MICU1: variants seen among roughly 807,000 people sequenced by gnomAD.
The protein encoded by MICU1 is mitochondrial calcium uptake 1, also known as calcium uptake protein 1, mitochondrial.
In MICU1, 45 loss-of-function variants were observed where a neutral mutation model predicts 56.8. The ratio of observed to expected loss-of-function variants is 0.79; its 90% CI spans 0.62 to 1.02. MICU1 has a LOEUF of 1.02. Ranked by LOEUF, MICU1 falls within the 50% of genes least tolerant of loss-of-function variation. The pLI is 0.00. For missense variants in MICU1, 504 were observed against 587.1 expected, an observed-to-expected ratio of 0.86 and a Z score of 1.46; for synonymous variants, 186 against 195.1, an observed-to-expected ratio of 0.95 and a Z score of 0.39.
intron 8 of MICU1, among the ~76,000 whole-genome samples, chr10:72,426,725 A>G (rs1389467787): frequency 6.6e-6 from 1 of 152,156 alleles, no homozygotes; most frequent in East Asian, 1.9e-4. Flanking sequence ...ATGCTCAACC[A>G]GTAAGTATAA....
At chr10:72,502,946 G>A (rs1867127986) in intron 6 of MICU1, 1 of 169,064 alleles carries the variant, frequency 5.9e-6, no homozygotes, top group Non-Finnish European at 1.3e-5. Context: ...CTTAGACAAA[G>A]AAGCAGCACT....
chr10:72,569,241 T>A (rs866493165), intron 1 of MICU1, among the ~76,000 whole-genome samples: 3 of 98,902 alleles, frequency 3.0e-5, no homozygotes, highest in East Asian at 2.6e-4. Flanking sequence ...ATATATATTT[T>A]TTTTTTTTTT....
At chr10:72,490,543 G>A (rs538131670) in intron 6 of MICU1, among the ~76,000 whole-genome samples, 1 of 152,220 alleles carries the variant, frequency 6.6e-6, no homozygotes, top group South Asian at 2.1e-4. Context: ...TGTCACCCAC[G>A]AAGTTCCCTT....
chr10:72,411,042 G>A (rs1863792091), intron 9 of MICU1, among the ~76,000 whole-genome samples: 1 of 152,178 alleles, frequency 6.6e-6, no homozygotes, highest in African/African-American at 2.4e-5. Context: ...TTAAAAGGAA[G>A]AAGATTCTGA....
At chr10:72,556,896 A>G (rs1032728201) in intron 3 of MICU1, among the ~76,000 whole-genome samples, 8 of 151,604 alleles carry the variant, frequency 5.3e-5, no homozygotes, top group Admixed American at 4.6e-4. Context: ...GAAACCCAGT[A>G]TCTACTAAAA....
intron 8 of MICU1, among the ~76,000 whole-genome samples, chr10:72,424,567 T>G (rs1380359895): frequency 6.6e-6 from 1 of 152,174 alleles, no homozygotes; most frequent in Non-Finnish European, 1.5e-5. Context: ...TCTGCCTGCC[T>G]TGGCCTCCTA....
At chr10:72,533,449 G>A (rs1423122539) in intron 5 of MICU1, among the ~76,000 whole-genome samples, 1 of 152,074 alleles carries the variant, frequency 6.6e-6, no homozygotes, top group African/African-American at 2.4e-5. Context: ...ACAGTATTGG[G>A]GGGCTTATTA....
At chr10:72,539,941 G>A (rs189593004) in intron 4 of MICU1, among the ~76,000 whole-genome samples, 1 of 152,244 alleles carries the variant, frequency 6.6e-6, no homozygotes, top group East Asian at 1.9e-4. Context: ...TGTACTCTAT[G>A]GGCTAGCAAG....
intron 10 of MICU1, among the ~76,000 whole-genome samples, chr10:72,395,016 T>C (rs1863199953): frequency 6.6e-6 from 1 of 151,400 alleles, no homozygotes; most frequent in Non-Finnish European, 1.5e-5. Flanking sequence ...CCATCTCTAC[T>C]AAAAATACAA....
chr10:72,448,159 GTGTATA>G (rs1199987457), intron 8 of MICU1, among the ~76,000 whole-genome samples: 109 of 74,002 alleles, frequency 1.5e-3, no homozygotes, highest in Non-Finnish European at 2.8e-3. Context: ...GTCTGTGTGT[GTGTATA>G]TGTGTGTGTA....
At chr10:72,605,436 C>T (rs554741172) in intron 1 of MICU1, among the ~76,000 whole-genome samples, 1 of 152,180 alleles carries the variant, frequency 6.6e-6, no homozygotes, top group Non-Finnish European at 1.5e-5. Flanking sequence ...GCTGCTCTGC[C>T]TATGAAGTAG....
intron 1 of MICU1, among the ~76,000 whole-genome samples, chr10:72,568,708 T>G (rs1028107567): frequency 2.0e-5 from 3 of 151,166 alleles, no homozygotes; most frequent in Admixed American, 6.6e-5. Context: ...AATAGCCAAC[T>G]AATTCAGCAT....
At chr10:72,403,282 T>C (rs7075517) in intron 10 of MICU1, among the ~76,000 whole-genome samples, 78,069 of 151,700 alleles carry the variant, frequency 0.51, 21,706 homozygotes, top group Non-Finnish European at 0.64. Flanking sequence ...TGCTTGAATC[T>C]GGGAGGTGGG....
At chr10:72,596,966 T>G (rs535948285) in intron 1 of MICU1, among the ~76,000 whole-genome samples, 18 of 152,034 alleles carry the variant, frequency 1.2e-4, no homozygotes, top group Admixed American at 9.2e-4. Flanking sequence ...TGTTTCAATA[T>G]TGGCTCATCA....
chr10:72,610,131 C>T (rs546680808), intron 1 of MICU1, among the ~76,000 whole-genome samples: 1 of 151,414 alleles, frequency 6.6e-6, no homozygotes, highest in African/African-American at 2.4e-5. Flanking sequence ...CATGGTGGTA[C>T]ACACCTGTAG....
At chr10:72,507,053 T>C (rs905541348) in intron 6 of MICU1, among the ~76,000 whole-genome samples, 1 of 152,050 alleles carries the variant, frequency 6.6e-6, no homozygotes, top group Non-Finnish European at 1.5e-5. Flanking sequence ...TGGCAGGACA[T>C]GTATATGCCA....
At chr10:72,407,103 A>G (rs1172063861) in intron 10 of MICU1, among the ~76,000 whole-genome samples, 1 of 152,204 alleles carries the variant, frequency 6.6e-6, no homozygotes, top group African/African-American at 2.4e-5. Flanking sequence ...TATACAGTAC[A>G]AAGGTTGCCT....
At chr10:72,393,070 C>G (rs976721352) in intron 10 of MICU1, among the ~76,000 whole-genome samples, 1 of 152,132 alleles carries the variant, frequency 6.6e-6, no homozygotes, top group Non-Finnish European at 1.5e-5. Context: ...GAGTTTGTTC[C>G]CTGGGCTGCT....
chr10:72,541,091 C>G (rs1373252785), intron 4 of MICU1, among the ~76,000 whole-genome samples: 1 of 152,222 alleles, frequency 6.6e-6, no homozygotes, highest in Non-Finnish European at 1.5e-5. Flanking sequence ...AAAGAGAAGT[C>G]TAGCATGGCT....
Sources: gnomAD v4.1 joint callset for allele counts (sites outside exome capture counted in the v4.1 genomes callset) on GRCh38, gnomAD v4.1.1 for gene constraint, MANE v1.5 for transcripts, NCBI Gene and HGNC (gene_info 2026-07-23, HGNC 2026-07-21) for gene names.